Variants in ZNF688 observed in about 807,000 individuals in gnomAD.
ZNF688 encodes zinc finger protein 688.
Under a neutral mutation model 13.2 loss-of-function variants are expected in ZNF688, and 10 were observed. The ratio of observed to expected loss-of-function variants is 0.76; its 90% CI spans 0.47 to 1.28. The LOEUF (loss-of-function observed/expected upper bound fraction) is 1.28. Among genes scored for constraint, ZNF688 ranks in the 50% most tolerant of loss-of-function variants. The pLI, the probability that ZNF688 is intolerant of heterozygous loss-of-function variation, is 0.00. For synonymous variants in ZNF688, 160 were observed against 159.4 expected (o/e 1.00, Z -0.03); for missense variants, 381 against 391.4 (o/e 0.97, Z 0.22).
rs2051643214 is a variant in ZNF688 at position 30,569,927 on chromosome 16, C to T, written c.820G>A (p.Glu274Lys). ...LFRHYPDIFE[E>K]CG ...GCCTGCGGTGCCGCTCAGCCGCACTCCTCGAAGATGTCTGGGTAGTGCCGG... is the reference window on the plus strand; with the variant it reads ...GCCTGCGGTGCCGCTCAGCCGCACTTCTCGAAGATGTCTGGGTAGTGCCGG... The change falls in exon 3 of 3, where the codon GAG (glutamate) becomes AAG (lysine). Residue 274 changes from glutamate to lysine, a missense_variant. Transcript: ENST00000223459. The T allele has an allele frequency of 6.4e-7, 1 of 1,552,292 alleles. No individual in the cohort carries two copies. The highest frequency in any genetic ancestry group is 8.7e-7 in the Non-Finnish European group (1 of 1,149,966).
upstream of ZNF688, among the ~76,000 whole-genome samples, chr16:30,574,301 T>C (rs2051726167): frequency 6.6e-6 from 1 of 151,924 alleles, no homozygotes; most frequent in African/African-American, 2.4e-5. Context: ...ATCCCAACAC[T>C]TTGGGAGGCC....
In ZNF688 at chr16:30,571,025, C is replaced by T. The variant is rs554686968; in HGVS notation, c.295G>A (p.Gly99Arg). 1 of 1,613,794 alleles carries T rather than the reference C, an allele frequency of 6.2e-7. No individual in the cohort carries two copies. Among genetic ancestry groups the T allele is most frequent in the African/African-American group, 1.3e-5 (1 of 75,016 alleles). The stretch of plus-strand genomic sequence containing the variant: ...TATCCCTCACCTCTCCGAGCTCCTC[C>T]CAGTCTTTCCCCCTTCTCAGGATCC... ...AQDPEKGERL[G>R]GARRGDVPNR... The change falls in exon 2 of 3, where the codon GGA becomes AGA. Residue 99 changes from glycine (G) to arginine (R), a missense_variant. Physicochemically the swap from Gly to Arg is moderately radical, Grantham distance 125 (BLOSUM62 -2). Transcript: ENST00000223459.
At chr16:30,578,109 T>C in the ZNF688 span, among the ~76,000 whole-genome samples, 1 of 152,102 alleles carries the variant, frequency 6.6e-6, no homozygotes, top group South Asian at 2.1e-4. Context: ...GAGGCTCAGA[T>C]AGACAGATCA....
upstream of ZNF688, chr16:30,572,244 G>A: frequency 1.9e-6 from 3 of 1,584,014 alleles, no homozygotes; most frequent in Non-Finnish European, 2.6e-6. Flanking sequence ...AGCCTCTGTT[G>A]ACAGACTGGA....
At chr16:30,570,739 T>G (rs932367072) in intron 2 of ZNF688, 2 of 309,190 alleles carry the variant, frequency 6.5e-6, no homozygotes, top group Non-Finnish European at 1.1e-5. Flanking sequence ...ATTTATTTAT[T>G]TATTTATTTA....
At chr16:30,576,809 C>T (rs943684682), upstream of ZNF688, among the ~76,000 whole-genome samples, 2 of 152,076 alleles carry the variant, frequency 1.3e-5, no homozygotes, top group Non-Finnish European at 2.9e-5. Context: ...CACTCTGTCA[C>T]ACAGGCTGGA....
chr16:30,575,118 T>G (rs1438390663), upstream of ZNF688, among the ~76,000 whole-genome samples: 1 of 152,220 alleles, frequency 6.6e-6, no homozygotes, highest in Non-Finnish European at 1.5e-5. Context: ...CTTAGGTTGA[T>G]TCCATATCTT....
At chr16:30,576,319 C>G (rs974933446), upstream of ZNF688, among the ~76,000 whole-genome samples, 1 of 152,234 alleles carries the variant, frequency 6.6e-6, no homozygotes, top group Non-Finnish European at 1.5e-5. Context: ...TAACGCCATT[C>G]TCCCGCCTCA....
the ZNF688 span, chr16:30,579,856 G>A: frequency 2.2e-6 from 1 of 455,872 alleles, no homozygotes; most frequent in South Asian, 1.5e-5. Flanking sequence ...ATCTAAATGG[G>A]CCAGAAAGAA....
upstream of ZNF688, chr16:30,572,227 G>T: frequency 3.1e-6 from 5 of 1,599,924 alleles, no homozygotes; most frequent in Non-Finnish European, 4.3e-6. Context: ...GGACCCCGCG[G>T]TCCTGAAGCC....
At chr16:30,577,409 C>G (rs1249987591), upstream of ZNF688, among the ~76,000 whole-genome samples, 6 of 146,100 alleles carry the variant, frequency 4.1e-5, no homozygotes, top group Non-Finnish European at 9.0e-5. Flanking sequence ...TAGATGGAGT[C>G]TCGCTCTGTC....
chr16:30,576,866 T>C (rs1320744349), upstream of ZNF688, among the ~76,000 whole-genome samples: 1 of 151,406 alleles, frequency 6.6e-6, no homozygotes, highest in Admixed American at 6.6e-5. Flanking sequence ...CCTCCCTGGG[T>C]TCAGGTGATC....
chr16:30,571,233 G>A (rs1263576567), intron 1 of ZNF688, 110 bp from the exon 2 acceptor site: 1 of 1,537,070 alleles, frequency 6.5e-7, no homozygotes, highest in African/African-American at 1.4e-5. Flanking sequence ...ACCTGGAAGG[G>A]GCTGCAGTGC....
In ZNF688 at chr16:30,571,456, G is replaced by A. The variant is rs1432304241; in HGVS notation, c.174C>T (p.Thr58=). Residue 58 remains threonine (T), a synonymous_variant, in exon 1 of 3, where the codon ACC becomes ACT. Coordinates refer to ENST00000223459, the MANE Select transcript of ZNF688 (RefSeq NM_145271.4). ...RALYRDVMQE[T]YGHLGALGFP... ...CACCGAGCGCGCCCAGGTGGCCGTA[G>A]GTCTCCTGCATCACGTCCCGGTACA... is the stretch of plus-strand genomic sequence containing the variant. The A allele has an allele frequency of 1.9e-6, 3 of 1,581,070 alleles. No individual in the cohort carries two copies. The Admixed American group carries it at 5.4e-5, about 29-fold the overall frequency.
At chr16:30,572,931 G>C (rs537881483), upstream of ZNF688, among the ~76,000 whole-genome samples, 6 of 151,740 alleles carry the variant, frequency 4.0e-5, no homozygotes, top group African/African-American at 1.5e-4. Flanking sequence ...GAGTGCAATG[G>C]CGCTATCTCG....
At chr16:30,573,834 T>C, upstream of ZNF688, 1 of 331,144 alleles carries the variant, frequency 3.0e-6, no homozygotes, top group Non-Finnish European at 5.9e-6. Context: ...ATTATTAATA[T>C]GCTTACATTA....
In ZNF688 at chr16:30,570,438, T is replaced by C; in HGVS notation, c.311-2A>G. 6.2e-7 allele frequency: 1 copy of C among 1,606,608 alleles called. No homozygotes were observed. The highest frequency in any genetic ancestry group is 8.5e-7 in the Non-Finnish European group (1 of 1,176,896). On this transcript the variant is annotated splice_acceptor_variant, in intron 2 of 2. Transcript: ENST00000223459. LOFTEE classifies it high-confidence loss of function. ...CTTCCTTCCTGTTTGGGACATCTCC[T>C]GGGAAACCGGAATTAAGTTACACTT...
chr16:30,573,143 G>A (rs2051712200), upstream of ZNF688, among the ~76,000 whole-genome samples: 1 of 152,168 alleles, frequency 6.6e-6, no homozygotes, highest in Non-Finnish European at 1.5e-5. Flanking sequence ...CCGACCTCAG[G>A]TGATCCTCCC....
upstream of ZNF688, among the ~76,000 whole-genome samples, chr16:30,572,994 C>A (rs2051710793): frequency 1.3e-5 from 2 of 152,184 alleles, no homozygotes; most frequent in Admixed American, 6.5e-5. Flanking sequence ...GCAACCTTCG[C>A]CTCCCAGGTT....
Sources: allele counts gnomAD v4.1 joint callset (sites outside exome capture counted in the v4.1 genomes callset), GRCh38; gene constraint gnomAD v4.1.1; transcripts MANE v1.5; gene names NCBI Gene and HGNC (gene_info 2026-07-23, HGNC 2026-07-21).